RBMS3: variants seen among roughly 807,000 people sequenced by gnomAD.
The protein encoded by RBMS3 is RNA binding motif single stranded interacting protein 3.
RBMS3 carries 27 observed loss-of-function variants against 66.8 expected under a neutral mutation model. The observed-to-expected ratio is 0.40, with a 90% confidence interval of 0.30 to 0.56. The LOEUF is 0.56. Among genes scored for constraint, RBMS3 ranks in the 20% least tolerant of loss-of-function variants. RBMS3 has a pLI of 0.40. For missense variants in RBMS3, 513 were observed against 549.5 expected, an observed-to-expected ratio of 0.93 and a Z score of 0.66; for synonymous variants, 188 against 183.0, an observed-to-expected ratio of 1.03 and a Z score of -0.22.
intron 1 of RBMS3, among the ~76,000 whole-genome samples, chr3:29,434,343 G>A (rs1373761905): frequency 6.6e-6 from 1 of 152,164 alleles, no homozygotes; most frequent in African/African-American, 2.4e-5. Flanking sequence ...AGGTAATAGA[G>A]GGAAACCAAA....
intron 1 of RBMS3, among the ~76,000 whole-genome samples, chr3:29,391,549 T>C (rs77988758): frequency 0.019 from 2,961 of 152,316 alleles, 100 homozygotes; most frequent in African/African-American, 0.065. Context: ...ACTGACACAA[T>C]TTAAAAAGCT....
intron 2 of RBMS3, among the ~76,000 whole-genome samples, chr3:29,444,661 G>A (rs1359157299): frequency 6.6e-6 from 1 of 151,952 alleles, no homozygotes. Context: ...TTACATTTGG[G>A]TTTGGCAACA....
At chr3:29,944,030 A>T (rs1695132360) in intron 11 of RBMS3, among the ~76,000 whole-genome samples, 177 bp from the exon 12 acceptor site, 2 of 151,746 alleles carry the variant, frequency 1.3e-5, no homozygotes, top group Non-Finnish European at 3.0e-5. Context: ...GTATTGTGGT[A>T]ATAGGGACCA....
chr3:29,506,834 T>A (rs1412723513), intron 3 of RBMS3, among the ~76,000 whole-genome samples: 2 of 151,936 alleles, frequency 1.3e-5, no homozygotes, highest in Non-Finnish European at 2.9e-5. Flanking sequence ...TAAGAATGTA[T>A]CCATTTTTTC....
intron 4 of RBMS3, among the ~76,000 whole-genome samples, chr3:29,725,948 G>T (rs191670389): frequency 6.6e-6 from 1 of 152,014 alleles, no homozygotes; most frequent in Admixed American, 6.6e-5. Context: ...ACATGGATGC[G>T]AAAATCCTCA....
chr3:29,663,841 A>C (rs2050650944), intron 4 of RBMS3, among the ~76,000 whole-genome samples: 1 of 152,212 alleles, frequency 6.6e-6, no homozygotes, highest in Non-Finnish European at 1.5e-5. Flanking sequence ...AGTTTTGTCC[A>C]TTAGTTCAAG....
At chr3:29,622,985 C>T (rs1348691466) in intron 4 of RBMS3, among the ~76,000 whole-genome samples, 6 of 151,272 alleles carry the variant, frequency 4.0e-5, no homozygotes, top group East Asian at 2.0e-4. Context: ...GGTGTGGTGG[C>T]GGGCGCCTGT....
chr3:29,365,788 C>T (rs1233703698), intron 1 of RBMS3, among the ~76,000 whole-genome samples: 2 of 152,144 alleles, frequency 1.3e-5, no homozygotes, highest in East Asian at 1.9e-4. Flanking sequence ...AAAGAAATCA[C>T]CTTAATTTAG....
chr3:29,511,530 C>T (rs2044410589), intron 3 of RBMS3, among the ~76,000 whole-genome samples: 1 of 152,062 alleles, frequency 6.6e-6, no homozygotes, highest in Admixed American at 6.5e-5. Flanking sequence ...GTTGGGTCTA[C>T]TGATTCTAAC....
rs184853781 is a variant in RBMS3 at position 29,921,421 on chromosome 3, T to C, written c.940-14665T>C. ...CTATAGTCAGAATAGCCACTCAGAA[T>C]ATGTGGGTTAGCTGAATTTGCTATC... On this transcript the variant is annotated intron_variant, in intron 10 of 14. Coordinates refer to ENST00000383767, the MANE Select transcript of RBMS3 (RefSeq NM_001003793.3). Among the ~76,000 whole-genome samples, 33 of 148,824 alleles carry C rather than the reference T, an allele frequency of 2.2e-4. No individual in the cohort carries two copies. In the Admixed American group the frequency reaches 2.3e-3, roughly 10 times the overall value.
At chr3:29,492,986 G>A (rs570662484) in intron 3 of RBMS3, among the ~76,000 whole-genome samples, 38 of 152,166 alleles carry the variant, frequency 2.5e-4, no homozygotes, top group Admixed American at 7.2e-4. Context: ...AGAGCATACA[G>A]TTGAAACTAG....
intron 1 of RBMS3, among the ~76,000 whole-genome samples, chr3:29,414,239 G>A (rs1237443935): frequency 6.6e-6 from 1 of 152,126 alleles, no homozygotes; most frequent in Non-Finnish European, 1.5e-5. Flanking sequence ...ATCAAATAAA[G>A]GGGAGCTACC....
At chr3:29,627,764 A>C (rs1308350145) in intron 4 of RBMS3, among the ~76,000 whole-genome samples, 1 of 152,114 alleles carries the variant, frequency 6.6e-6, no homozygotes, top group Non-Finnish European at 1.5e-5. Context: ...TAAGCACTCT[A>C]TGCATATTTG....
At chr3:29,328,242 A>G (rs376989227) in intron 1 of RBMS3, among the ~76,000 whole-genome samples, 5 of 152,204 alleles carry the variant, frequency 3.3e-5, no homozygotes, top group Admixed American at 6.5e-5. Context: ...AAAATTTTCT[A>G]TTGAGCACAA....
chr3:29,975,138 A>G (rs1169719737), intron 12 of RBMS3, among the ~76,000 whole-genome samples: 1 of 146,384 alleles, frequency 6.8e-6, no homozygotes, highest in Non-Finnish European at 1.5e-5. Context: ...ATATATTTAT[A>G]TATTTTATAT....
At chr3:29,304,441 C>T (rs1292499791) in intron 1 of RBMS3, among the ~76,000 whole-genome samples, 8 of 151,930 alleles carry the variant, frequency 5.3e-5, no homozygotes, top group Admixed American at 2.0e-4. Context: ...TTAATGCTTC[C>T]TCTGCCTTCT....
chr3:29,851,561 A>G (rs2058936288), intron 6 of RBMS3, among the ~76,000 whole-genome samples: 1 of 152,266 alleles, frequency 6.6e-6, no homozygotes, highest in Non-Finnish European at 1.5e-5. Context: ...AGCATCTACC[A>G]CAATATCAAA....
At chr3:29,360,129 T>C (rs573100326) in intron 1 of RBMS3, among the ~76,000 whole-genome samples, 105 of 152,294 alleles carry the variant, frequency 6.9e-4, no homozygotes, top group African/African-American at 2.5e-3. Context: ...GTTCTTTTCA[T>C]TGTGATGTTA....
intron 6 of RBMS3, among the ~76,000 whole-genome samples, chr3:29,861,548 T>C (rs1249229758): frequency 6.6e-6 from 1 of 152,226 alleles, no homozygotes; most frequent in African/African-American, 2.4e-5. Flanking sequence ...ATATCTTAGA[T>C]GTCAATATCT....
Sources: allele counts gnomAD v4.1 joint callset (sites outside exome capture counted in the v4.1 genomes callset), GRCh38; gene constraint gnomAD v4.1.1; transcripts MANE v1.5; gene names NCBI Gene and HGNC (gene_info 2026-07-23, HGNC 2026-07-21).